The following GRID2 variants were observed in gnomAD, a reference collection of about 807,000 sequenced individuals.
GRID2 encodes glutamate receptor ionotropic, delta-2.
In GRID2, 33 loss-of-function variants were observed where a neutral mutation model predicts 114.8. The observed-to-expected ratio is 0.29, with a 90% CI of 0.22 to 0.38. The LOEUF is 0.38. Ranked by LOEUF, GRID2 falls within the 10% of genes least tolerant of loss-of-function variation. The pLI, the probability that GRID2 is intolerant of heterozygous loss-of-function variation, is 1.00. For missense variants in GRID2, 1,184 were observed against 1,257.7 expected (o/e 0.94, Z 0.89); for synonymous variants, 505 against 449.9 (o/e 1.12, Z -1.55).
intron 14 of GRID2, among the ~76,000 whole-genome samples, chr4:93,703,330 A>G (rs1188357919): frequency 6.6e-6 from 1 of 152,094 alleles, no homozygotes; most frequent in Non-Finnish European, 1.5e-5. Context: ...AGGCATCCAA[A>G]GTGTAATAAT....
intron 2 of GRID2, among the ~76,000 whole-genome samples, chr4:92,696,860 G>T (rs1353609256): frequency 6.6e-6 from 1 of 151,918 alleles, no homozygotes; most frequent in African/African-American, 2.4e-5. Context: ...CTTGCAGCAG[G>T]GTACAACAAT....
At chr4:92,679,415 C>A (rs1579827473) in intron 2 of GRID2, among the ~76,000 whole-genome samples, 1 of 151,982 alleles carries the variant, frequency 6.6e-6, no homozygotes, top group South Asian at 2.1e-4. Context: ...AGAACCATTA[C>A]CCTCTGTCTA....
intron 14 of GRID2, among the ~76,000 whole-genome samples, chr4:93,744,500 T>C (rs1161013413): frequency 6.6e-6 from 1 of 152,028 alleles, no homozygotes; most frequent in Non-Finnish European, 1.5e-5. Flanking sequence ...TAACTGCAGA[T>C]GTGGTGGAAA....
At chr4:92,825,942 G>A (rs1029435254) in intron 2 of GRID2, among the ~76,000 whole-genome samples, 1 of 152,068 alleles carries the variant, frequency 6.6e-6, no homozygotes, top group Non-Finnish European at 1.5e-5. Context: ...ATTGCTACTT[G>A]TAGCTGAAAG....
At chr4:92,795,886 G>A (rs1276941585) in intron 2 of GRID2, among the ~76,000 whole-genome samples, 1 of 151,890 alleles carries the variant, frequency 6.6e-6, no homozygotes, top group Admixed American at 6.6e-5. Flanking sequence ...AGATCCCTAT[G>A]TTGAAACCCT....
chr4:92,546,650 C>A (rs191648210), intron 1 of GRID2, among the ~76,000 whole-genome samples: 1 of 152,234 alleles, frequency 6.6e-6, no homozygotes, highest in East Asian at 1.9e-4. Context: ...TAGAAATGCA[C>A]CTTAGTAAAC....
intron 13 of GRID2, among the ~76,000 whole-genome samples, chr4:93,541,264 C>T (rs933650419): frequency 2.0e-5 from 3 of 152,020 alleles, no homozygotes; most frequent in East Asian, 1.9e-4. Context: ...GTTCAAAGTG[C>T]GCAGAAATTT....
chr4:92,324,737 A>T (rs1225027982), intron 1 of GRID2, among the ~76,000 whole-genome samples: 1 of 151,988 alleles, frequency 6.6e-6, no homozygotes, highest in African/African-American at 2.4e-5. Context: ...TATTCAAATT[A>T]TAGTGAAAAT....
intron 2 of GRID2, among the ~76,000 whole-genome samples, chr4:92,917,846 TC>T (rs1293465970): frequency 6.6e-5 from 10 of 152,176 alleles, no homozygotes; most frequent in Non-Finnish European, 1.2e-4. Flanking sequence ...CTTTTTTGGT[TC>T]CATGTGAGCT....
intron 14 of GRID2, among the ~76,000 whole-genome samples, chr4:93,753,064 TA>T (rs1228557470): frequency 6.6e-6 from 1 of 152,248 alleles, no homozygotes; most frequent in East Asian, 1.9e-4. Flanking sequence ...ATGCCGAGAC[TA>T]AACTGACCCT....
chr4:92,471,292 C>A (rs1029735991), intron 1 of GRID2, among the ~76,000 whole-genome samples: 1 of 151,964 alleles, frequency 6.6e-6, no homozygotes, highest in African/African-American at 2.4e-5. Context: ...AAGCATCCAG[C>A]CTAAAATACT....
At chr4:93,434,771 G>A (rs1323025068) in intron 10 of GRID2, among the ~76,000 whole-genome samples, 3 of 152,068 alleles carry the variant, frequency 2.0e-5, no homozygotes, top group Non-Finnish European at 4.4e-5. Flanking sequence ...ATCCCACTCA[G>A]AGTAAAAACT....
chr4:92,545,264 G>A (rs1726184978), intron 1 of GRID2, among the ~76,000 whole-genome samples: 1 of 152,120 alleles, frequency 6.6e-6, no homozygotes, highest in Non-Finnish European at 1.5e-5. Flanking sequence ...GACTATTGCT[G>A]GAAATTTAGC....
chr4:93,688,643 A>G (rs1726283227), intron 14 of GRID2, among the ~76,000 whole-genome samples: 1 of 152,056 alleles, frequency 6.6e-6, no homozygotes, highest in Non-Finnish European at 1.5e-5. Flanking sequence ...TCCTTTAAGG[A>G]TGAAAGGCAA....
At chr4:93,237,464 C>G (rs1746930547) in intron 7 of GRID2, among the ~76,000 whole-genome samples, 1 of 151,732 alleles carries the variant, frequency 6.6e-6, no homozygotes, top group Non-Finnish European at 1.5e-5. Context: ...CAGGTTATGT[C>G]AAGTGAGATA....
chr4:92,877,224 A>C (rs1745695671), intron 2 of GRID2, among the ~76,000 whole-genome samples: 1 of 152,336 alleles, frequency 6.6e-6, no homozygotes, highest in South Asian at 2.1e-4. Context: ...GCAGAGTCCA[A>C]GGTTAGTACA....
At chr4:93,588,619 A>T (rs536026853) in intron 13 of GRID2, among the ~76,000 whole-genome samples, 1 of 152,116 alleles carries the variant, frequency 6.6e-6, no homozygotes, top group Non-Finnish European at 1.5e-5. Flanking sequence ...ATACCCACCC[A>T]GCTTCTCCAC....
chr4:93,463,453 G>T (rs1723941446), intron 11 of GRID2, among the ~76,000 whole-genome samples: 1 of 152,042 alleles, frequency 6.6e-6, no homozygotes, highest in South Asian at 2.1e-4. Context: ...TGCTCAACTG[G>T]GCTTTTGAAG....
At chr4:92,477,550 A>G (rs981143834) in intron 1 of GRID2, among the ~76,000 whole-genome samples, 4 of 151,788 alleles carry the variant, frequency 2.6e-5, no homozygotes, top group Non-Finnish European at 5.9e-5. Context: ...CATACTCACC[A>G]TTTATCACTC....
Sources: gnomAD v4.1 joint callset for allele counts (sites outside exome capture counted in the v4.1 genomes callset) on GRCh38, gnomAD v4.1.1 for gene constraint, MANE v1.5 for transcripts, NCBI Gene and HGNC (gene_info 2026-07-23, HGNC 2026-07-21) for gene names.